The following ZMAT4 variants were observed in gnomAD, a reference collection of about 807,000 sequenced individuals.
ZMAT4 encodes zinc finger matrin-type protein 4.
ZMAT4 carries 17 observed loss-of-function variants against 28.7 expected under a neutral mutation model. That is an observed-to-expected ratio of 0.59 (90% confidence interval 0.41 to 0.89). The LOEUF is 0.89. Ranked by LOEUF, ZMAT4 falls within the 40% of genes least tolerant of loss-of-function variation. The probability of loss-of-function intolerance (pLI) is 0.00; values close to 1 mark genes in which losing one functional copy is unlikely to be tolerated. For synonymous variants in ZMAT4, 117 were observed against 109.2 expected (o/e 1.07, Z -0.44); for missense variants, 240 against 283.8 (o/e 0.85, Z 1.11).
intron 1 of ZMAT4, among the ~76,000 whole-genome samples, chr8:40,836,646 CA>C (rs776633610): frequency 1.3e-5 from 2 of 152,094 alleles, no homozygotes; most frequent in African/African-American, 2.4e-5. Flanking sequence ...TTTATAAAGT[CA>C]AAAACAACTG....
intron 5 of ZMAT4, among the ~76,000 whole-genome samples, chr8:40,665,225 A>AC (rs1563397590): frequency 4.7e-5 from 7 of 148,764 alleles, no homozygotes; most frequent in Non-Finnish European, 8.9e-5. Flanking sequence ...CAACAACAAA[A>AC]AAACACACAC....
chr8:40,552,169 A>G (rs1803387696), intron 6 of ZMAT4, among the ~76,000 whole-genome samples: 1 of 152,090 alleles, frequency 6.6e-6, no homozygotes, highest in African/African-American at 2.4e-5. Flanking sequence ...TGCTGGATCC[A>G]TTTACTCTTT....
chr8:40,577,661 A>T (rs929747761), intron 6 of ZMAT4, among the ~76,000 whole-genome samples: 1 of 152,192 alleles, frequency 6.6e-6, no homozygotes, highest in Admixed American at 6.5e-5. Context: ...TGTTCTCAAT[A>T]TAAAGAAATG....
chr8:40,573,231 A>T (rs1449260513), intron 6 of ZMAT4, among the ~76,000 whole-genome samples: 1 of 152,322 alleles, frequency 6.6e-6, no homozygotes, highest in East Asian at 1.9e-4. Context: ...AAAATGTATC[A>T]TAATGTGGGT....
At chr8:40,712,610 A>G (rs1202377550) in intron 3 of ZMAT4, among the ~76,000 whole-genome samples, 1 of 152,224 alleles carries the variant, frequency 6.6e-6, no homozygotes, top group African/African-American at 2.4e-5. Flanking sequence ...TGGTGAATGC[A>G]GCTCCCCACC....
chr8:40,770,859 CACTT>C (rs1660139982), intron 2 of ZMAT4, among the ~76,000 whole-genome samples: 3 of 152,236 alleles, frequency 2.0e-5, no homozygotes, highest in Admixed American at 2.0e-4. Context: ...GACTCTGAGA[CACTT>C]ACAGTGTCTT....
intron 6 of ZMAT4, among the ~76,000 whole-genome samples, chr8:40,580,220 G>T (rs1804413100): frequency 6.6e-6 from 1 of 151,796 alleles, no homozygotes; most frequent in Non-Finnish European, 1.5e-5. Context: ...CACCGTGTTG[G>T]CCAGGATGGT....
intron 2 of ZMAT4, among the ~76,000 whole-genome samples, chr8:40,787,263 G>C (rs1320757018): frequency 6.6e-6 from 1 of 152,150 alleles, no homozygotes; most frequent in South Asian, 2.1e-4. Context: ...TTATAGAATA[G>C]GTTCCCAGAC....
At chr8:40,706,642 C>T (rs74783323) in intron 3 of ZMAT4, among the ~76,000 whole-genome samples, 58 of 152,232 alleles carry the variant, frequency 3.8e-4, no homozygotes, top group African/African-American at 1.2e-3. Context: ...ATTTAAATTC[C>T]GCTAACATCT....
At chr8:40,661,713 G>A (rs147790852) in intron 5 of ZMAT4, among the ~76,000 whole-genome samples, 14 of 152,262 alleles carry the variant, frequency 9.2e-5, no homozygotes, top group African/African-American at 3.4e-4. Flanking sequence ...ATGAATGTGG[G>A]CCACAAAAAA....
At chr8:40,634,964 G>A (rs1165015931) in intron 5 of ZMAT4, among the ~76,000 whole-genome samples, 1 of 152,118 alleles carries the variant, frequency 6.6e-6, no homozygotes, top group Non-Finnish European at 1.5e-5. Context: ...ATTTATAGGG[G>A]TTTTGTAGCA....
intron 5 of ZMAT4, among the ~76,000 whole-genome samples, chr8:40,635,474 G>A (rs1424976026): frequency 1.3e-5 from 2 of 152,052 alleles, no homozygotes; most frequent in Admixed American, 6.6e-5. Context: ...CCCACCATAC[G>A]CAGATACACT....
intron 3 of ZMAT4, among the ~76,000 whole-genome samples, chr8:40,727,202 G>T (rs1265890243): frequency 6.6e-6 from 1 of 152,146 alleles, no homozygotes; most frequent in South Asian, 2.1e-4. Context: ...TGCCTGGTTT[G>T]TGCTTCTGCC....
intron 2 of ZMAT4, among the ~76,000 whole-genome samples, chr8:40,781,774 A>G (rs1813842079): frequency 6.8e-6 from 1 of 147,064 alleles, no homozygotes; most frequent in African/African-American, 2.5e-5. Context: ...AAAAAAAAAA[A>G]AAAAAAAAAA....
At chr8:40,883,002 C>T (rs1283439699) in intron 1 of ZMAT4, among the ~76,000 whole-genome samples, 1 of 152,166 alleles carries the variant, frequency 6.6e-6, no homozygotes, top group East Asian at 1.9e-4. Flanking sequence ...ACCCAGTGTG[C>T]TGGACCCTTT....
intron 5 of ZMAT4, among the ~76,000 whole-genome samples, chr8:40,638,407 C>T (rs1458939324): frequency 1.3e-5 from 2 of 152,198 alleles, no homozygotes; most frequent in Non-Finnish European, 2.9e-5. Flanking sequence ...AATTTATACT[C>T]ATTTAATGAG....
At chr8:40,602,472 G>C (rs79709242) in intron 5 of ZMAT4, among the ~76,000 whole-genome samples, 1,580 of 152,230 alleles carry the variant, frequency 0.01, 31 homozygotes, top group African/African-American at 0.035. Context: ...GGTTGTATTA[G>C]TTTACATTCA....
intron 5 of ZMAT4, among the ~76,000 whole-genome samples, chr8:40,609,556 G>A (rs1309887901): frequency 1.3e-5 from 2 of 152,120 alleles, no homozygotes; most frequent in East Asian, 3.9e-4. Context: ...GAATTTACTT[G>A]TCAAACCCAC....
chr8:40,709,009 A>T (rs7831097), intron 3 of ZMAT4, among the ~76,000 whole-genome samples: 145,676 of 152,140 alleles, frequency 0.96, 70,068 homozygotes, highest in East Asian at 1. Context: ...AGGAAGTATA[A>T]GCAGTCATCC....
Sources: allele counts gnomAD v4.1 joint callset (sites outside exome capture counted in the v4.1 genomes callset), GRCh38; gene constraint gnomAD v4.1.1; transcripts MANE v1.5; gene names NCBI Gene and HGNC (gene_info 2026-07-23, HGNC 2026-07-21).